SUGCT: variants seen among roughly 807,000 people sequenced by gnomAD.
The protein encoded by SUGCT is succinyl-CoA:glutarate CoA-transferase.
Under a neutral mutation model 55.0 loss-of-function variants are expected in SUGCT, and 41 were observed. That is an observed-to-expected ratio of 0.74 (90% CI 0.58 to 0.97). The LOEUF is 0.97. SUGCT is among the 50% of genes least tolerant of loss of function. The probability of loss-of-function intolerance (pLI) is 0.00; values close to 1 mark genes in which losing one functional copy is unlikely to be tolerated. For synonymous variants in SUGCT, 187 were observed against 200.4 expected (o/e 0.93, Z 0.56); for missense variants, 568 against 547.8 (o/e 1.04, Z -0.37).
the SUGCT span, among the ~76,000 whole-genome samples, chr7:40,873,696 C>T: frequency 6.6e-6 from 1 of 152,170 alleles, no homozygotes; most frequent in Non-Finnish European, 1.5e-5. Context: ...TTATGCCTGA[C>T]TTTATATTGC....
chr7:40,638,824 A>G (rs1453524165), intron 12 of SUGCT, among the ~76,000 whole-genome samples: 1 of 152,128 alleles, frequency 6.6e-6, no homozygotes, highest in Non-Finnish European at 1.5e-5. Context: ...GTAATAGGGT[A>G]CGTCAGAAAT....
At chr7:40,869,628 A>G in the SUGCT span, among the ~76,000 whole-genome samples, 1 of 152,104 alleles carries the variant, frequency 6.6e-6, no homozygotes, top group Non-Finnish European at 1.5e-5. Flanking sequence ...GCTAGGAGTA[A>G]TTTGCTATGC....
intron 12 of SUGCT, among the ~76,000 whole-genome samples, chr7:40,634,032 T>C (rs1799913995): frequency 6.6e-6 from 1 of 152,112 alleles, no homozygotes; most frequent in African/African-American, 2.4e-5. Flanking sequence ...AAAGAATCAC[T>C]CTTATTCTGA....
At chr7:40,864,716 T>G (rs1380328467), downstream of SUGCT, among the ~76,000 whole-genome samples, 3 of 150,140 alleles carry the variant, frequency 2.0e-5, no homozygotes, top group Non-Finnish European at 2.9e-5. Flanking sequence ...CAAATTTGAT[T>G]AGGGGGAAAG....
intron 9 of SUGCT, among the ~76,000 whole-genome samples, chr7:40,406,882 T>G (rs1193677604): frequency 6.6e-6 from 1 of 152,124 alleles, no homozygotes; most frequent in Non-Finnish European, 1.5e-5. Flanking sequence ...CAATGATCAT[T>G]TGGCATGGGA....
intron 11 of SUGCT, among the ~76,000 whole-genome samples, chr7:40,485,632 G>T (rs1791295226): frequency 6.6e-6 from 1 of 151,744 alleles, no homozygotes; most frequent in African/African-American, 2.4e-5. Flanking sequence ...TGCCAGGCTA[G>T]CCTCAAACTC....
At chr7:41,026,257 A>T in the SUGCT span, among the ~76,000 whole-genome samples, 6 of 152,304 alleles carry the variant, frequency 3.9e-5, no homozygotes, top group Admixed American at 3.3e-4. Flanking sequence ...CCGAATGGTG[A>T]TGGTCCTGTG....
At chr7:40,701,165 T>G (rs1785157554) in intron 12 of SUGCT, among the ~76,000 whole-genome samples, 1 of 152,186 alleles carries the variant, frequency 6.6e-6, no homozygotes, top group Non-Finnish European at 1.5e-5. Context: ...TTGTTGGGCT[T>G]CGTCATTTTA....
At chr7:40,938,892 T>C in the SUGCT span, among the ~76,000 whole-genome samples, 1 of 152,226 alleles carries the variant, frequency 6.6e-6, no homozygotes, top group Non-Finnish European at 1.5e-5. Flanking sequence ...GATGTCTATA[T>C]ACCATATTTT....
chr7:40,954,485 G>C, the SUGCT span, among the ~76,000 whole-genome samples: 1 of 152,214 alleles, frequency 6.6e-6, no homozygotes, highest in South Asian at 2.1e-4. Context: ...ACAAGCCCCA[G>C]TGAGATGAAC....
intron 12 of SUGCT, among the ~76,000 whole-genome samples, chr7:40,712,924 C>T (rs1439527234): frequency 6.6e-6 from 1 of 152,256 alleles, no homozygotes; most frequent in Non-Finnish European, 1.5e-5. Flanking sequence ...TCTTCCACAT[C>T]CCTTTCAGTC....
intron 13 of SUGCT, among the ~76,000 whole-genome samples, chr7:40,840,934 C>T (rs892626440): frequency 1.1e-5 from 1 of 87,986 alleles, no homozygotes; most frequent in Non-Finnish European, 2.3e-5. Flanking sequence ...TTTTTAGAGA[C>T]TGCCAACTAC....
chr7:40,492,437 C>G (rs1791738473), intron 11 of SUGCT, among the ~76,000 whole-genome samples: 1 of 152,164 alleles, frequency 6.6e-6, no homozygotes, highest in Admixed American at 6.5e-5. Context: ...TACATCAGCC[C>G]ATTGTCCGCA....
intron 6 of SUGCT, among the ~76,000 whole-genome samples, chr7:40,202,360 C>T (rs1786662381): frequency 6.6e-6 from 1 of 152,140 alleles, no homozygotes; most frequent in African/African-American, 2.4e-5. Flanking sequence ...CTCCTTTTCC[C>T]CAACTTCAGG....
At chr7:40,911,379 C>A in the SUGCT span, among the ~76,000 whole-genome samples, 1 of 151,942 alleles carries the variant, frequency 6.6e-6, no homozygotes, top group Non-Finnish European at 1.5e-5. Flanking sequence ...AGAGCTGCTA[C>A]AAGAACAATT....
intron 3 of SUGCT, among the ~76,000 whole-genome samples, chr7:40,186,212 C>T (rs1283896389): frequency 7.6e-6 from 1 of 131,336 alleles, no homozygotes; most frequent in Non-Finnish European, 1.6e-5. Flanking sequence ...CCTCCCCTTC[C>T]CTCCTCTCCC....
intron 1 of SUGCT, among the ~76,000 whole-genome samples, chr7:40,148,410 T>C (rs563494918): frequency 6.6e-6 from 1 of 152,024 alleles, no homozygotes; most frequent in Non-Finnish European, 1.5e-5. Context: ...CTTGGGAGGC[T>C]GAGGTGGGCG....
intron 9 of SUGCT, 90 bp from the exon 10 acceptor site, chr7:40,449,197 C>A: frequency 2.5e-6 from 2 of 811,798 alleles, no homozygotes; most frequent in Non-Finnish European, 4.0e-6. Context: ...TGCTTTAGAA[C>A]AAGCTTTCTA....
At chr7:40,913,352 G>A in the SUGCT span, among the ~76,000 whole-genome samples, 11 of 152,082 alleles carry the variant, frequency 7.2e-5, no homozygotes, top group Non-Finnish European at 1.2e-4. Flanking sequence ...ATATTAAAAT[G>A]GAAAAAAATT....
Sources: allele counts gnomAD v4.1 joint callset (sites outside exome capture counted in the v4.1 genomes callset), GRCh38; gene constraint gnomAD v4.1.1; transcripts MANE v1.5; gene names NCBI Gene and HGNC (gene_info 2026-07-23, HGNC 2026-07-21).